RYR1: variants seen among roughly 807,000 people sequenced by gnomAD.
RYR1 encodes the protein central core disease of muscle.
Under a neutral mutation model 583.5 loss-of-function variants are expected in RYR1, and 342 were observed. That is an observed-to-expected ratio of 0.59 (90% CI 0.54 to 0.64). The LOEUF (loss-of-function observed/expected upper bound fraction) is 0.64. RYR1 is among the 30% of genes least tolerant of loss of function. The pLI, the probability that RYR1 is intolerant of heterozygous loss-of-function variation, is 0.00. For missense variants in RYR1, 6,032 were observed against 6,917.2 expected, an observed-to-expected ratio of 0.87 and a Z score of 4.54; for synonymous variants, 2,791 against 2,822.5, an observed-to-expected ratio of 0.99 and a Z score of 0.35.
intron 89 of RYR1, among the ~76,000 whole-genome samples, chr19:38,554,818 T>C (rs777200483): frequency 6.6e-6 from 1 of 152,126 alleles, no homozygotes; most frequent in African/African-American, 2.4e-5. Flanking sequence ...CAGTAAACAG[T>C]CTTGAGGTTA....
chr19:38,451,828 A>C lies in RYR1; in HGVS notation c.1187A>C (p.Glu396Ala), dbSNP rs762454738. 7.4e-6 allele frequency: 12 copies of C among 1,613,988 alleles called. No homozygotes were observed. In the East Asian group the frequency reaches 1.3e-4, roughly 18 times the overall value. The change falls in exon 12 of 106, where the codon GAG becomes GCG. Residue 396 changes from glutamate to alanine, a missense_variant. Glu to Ala is a moderately radical substitution (Grantham distance 107, BLOSUM62 -1). Transcript: ENST00000359596. ...ALSLTRCQQE[E>A]SQAARMIHST... is the part of the protein sequence containing the mutation. ...TCGCTGACCCGCTGCCAGCAGGAGG[A>C]GTCCCAGGCCGCCCGCATGATCCAC...
chr19:38,473,248 G>A (rs925274585), intron 27 of RYR1, 129 bp from the exon 28 acceptor site: 13 of 1,176,924 alleles, frequency 1.1e-5, no homozygotes, highest in Non-Finnish European at 1.3e-5. Flanking sequence ...CAGGAGTGGG[G>A]GGCCCTTGAC....
At chr19:38,585,198 C>A in intron 102 of RYR1, 99 bp downstream of exon 102, 1 of 1,404,954 alleles carries the variant, frequency 7.1e-7, no homozygotes, top group Non-Finnish European at 9.8e-7. Flanking sequence ...CATACCCCAT[C>A]TCTACCTCTC....
Position 38,580,078 on chromosome 19 carries a change from G to T in RYR1, c.14461G>T (p.Val4821Phe), listed in dbSNP as rs779632051. The part of the protein sequence containing the change: ...AAHLLDIAMG[V>F]KTLRTILSSV... Reference sequence around the variant, plus strand: ...CCATCTCCTGGACATCGCCATGGGGGTCAAGACGCTGCGCACCATCCTGTC... The same window carrying T: ...CCATCTCCTGGACATCGCCATGGGGTTCAAGACGCTGCGCACCATCCTGTC... The change falls in exon 100 of 106, where the codon GTC (valine) becomes TTC (phenylalanine). Residue 4821 changes from valine (V) to phenylalanine (F), a missense_variant. Transcript: ENST00000359596. The T allele has an allele frequency of 6.2e-7, 1 of 1,614,192 alleles. No individual in the cohort carries two copies. The highest frequency in any genetic ancestry group is 8.5e-7 in the Non-Finnish European group (1 of 1,180,042).
intron 38 of RYR1, among the ~76,000 whole-genome samples, chr19:38,493,460 A>AG (rs1969647637): frequency 6.7e-6 from 1 of 149,800 alleles, no homozygotes; most frequent in Non-Finnish European, 1.5e-5. Context: ...AATACAGCCG[A>AG]GGGGGGAAAG....
In RYR1 at chr19:38,543,821, C is replaced by T. The variant is rs193922842; in HGVS notation, c.11958C>T (p.Asp3986=). 4 of 1,613,960 alleles carry T rather than the reference C, an allele frequency of 2.5e-6. No homozygotes were observed. The highest frequency in any genetic ancestry group is 3.4e-6 in the Non-Finnish European group (4 of 1,180,026). ...QQSLAHSRLW[D]AVVGFLHVFA... ...GCCTGGCGCACAGTCGCCTATGGGA[C>T]GCAGTGGTGGGATTCCTGCACGTGT... is the stretch of plus-strand genomic sequence containing the variant. Residue 3986 remains aspartate (D), a synonymous_variant, in exon 87 of 106, where the codon GAC becomes GAT. Coordinates refer to ENST00000359596, the MANE Select transcript of RYR1 (RefSeq NM_000540.3). This position sits in a 1 kb window ranked among gnomAD's most constrained non-coding sequence, Gnocchi z 4.4.
intron 71 of RYR1, among the ~76,000 whole-genome samples, chr19:38,526,517 C>T (rs1341148066): frequency 1.3e-5 from 2 of 152,034 alleles, no homozygotes; most frequent in African/African-American, 4.8e-5. Context: ...GGACCCCTCA[C>T]CTTGGTCCTT....
chr19:38,526,171 G>A (rs542636668), intron 71 of RYR1, among the ~76,000 whole-genome samples: 1 of 151,970 alleles, frequency 6.6e-6, no homozygotes, highest in Admixed American at 6.6e-5. Flanking sequence ...CAAAATACCC[G>A]GGCTGTAGAA....
At chr19:38,503,229 C>T (rs1308137606) in intron 49 of RYR1, among the ~76,000 whole-genome samples, 4 of 152,200 alleles carry the variant, frequency 2.6e-5, no homozygotes, top group Non-Finnish European at 4.4e-5. Context: ...GCCCCCGCTT[C>T]AATTAGCATA....
intron 63 of RYR1, 27 bp from the exon 64 acceptor site, chr19:38,514,999 C>G (rs751667307): frequency 6.3e-7 from 1 of 1,576,558 alleles, no homozygotes; most frequent in Admixed American, 1.7e-5. Context: ...GAGCGCATGC[C>G]GCAGCCTCGC....
At chr19:38,538,608 C>T (rs1035656402) in intron 84 of RYR1, 2 of 152,670 alleles carry the variant, frequency 1.3e-5, no homozygotes, top group African/African-American at 4.8e-5. Context: ...GATTTCTGTA[C>T]TTTAGGTCCA....
At chr19:38,460,990 CA>C (rs1161134447) in intron 20 of RYR1, among the ~76,000 whole-genome samples, 2 of 152,078 alleles carry the variant, frequency 1.3e-5, no homozygotes, top group East Asian at 3.9e-4. Context: ...CATGTCAAAA[CA>C]AAACAAAACA....
In RYR1 at chr19:38,496,294, G is replaced by A; in HGVS notation, c.6628G>A (p.Val2210Ile). 6 of 1,614,046 alleles carry A rather than the reference G, an allele frequency of 3.7e-6. No individual in the cohort carries two copies. The highest frequency in any genetic ancestry group is 5.1e-6 in the Non-Finnish European group (6 of 1,180,044). Residue 2210 changes from valine (V) to isoleucine (I), a missense_variant, in exon 40 of 106, where the codon GTC becomes ATC. Physicochemically the swap from Val to Ile is conservative, Grantham distance 29. This residue lies in a region of RYR1 where 2,627 missense variants were observed against 2,961.3 expected (regional missense o/e 0.89). Transcript: ENST00000359596. This position sits in a 1 kb window ranked among gnomAD's most constrained non-coding sequence, Gnocchi z 4.8. ...ALGMHETVME[V>I]MVNVLGGGES... Reference sequence around the variant, plus strand: ...GGGCATGCACGAGACGGTCATGGAGGTCATGGTCAACGTCCTCGGGGGCGG... The same window carrying A: ...GGGCATGCACGAGACGGTCATGGAGATCATGGTCAACGTCCTCGGGGGCGG...
rs775127775 is a variant in RYR1, at chr19:38,548,236, A to C, written c.12098A>C (p.Asn4033Thr). 1 of 1,614,044 alleles carries C rather than the reference A, an allele frequency of 6.2e-7. No individual in the cohort carries two copies. Among genetic ancestry groups the C allele is most frequent in the South Asian group, 1.1e-5 (1 of 91,088 alleles). ...VVMLLSLLEG[N>T]VVNGMIARQM... is the part of the protein sequence containing the mutation. ...ACTGACCTGGGGCTGCCTGCAGGGAACGTGGTGAACGGCATGATCGCCCGG... is the reference window on the plus strand; with the variant it reads ...ACTGACCTGGGGCTGCCTGCAGGGACCGTGGTGAACGGCATGATCGCCCGG... Residue 4033 changes from asparagine to threonine, a missense_variant, in exon 89 of 106, where the codon AAC (asparagine) becomes ACC (threonine). Asn to Thr is a moderately conservative substitution (Grantham distance 65). Around this residue, in one of 11 missense-constraint regions of RYR1, gnomAD observed 82 missense variants for 139.7 expected, o/e 0.59. Coordinates refer to ENST00000359596, the MANE Select transcript of RYR1 (RefSeq NM_000540.3).
At position 38,485,900 on chromosome 19, in the gene RYR1, C is replaced by T. The variant is rs1969263609; in HGVS notation, c.5245C>T (p.Pro1749Ser). 1 of 1,613,800 alleles carries T rather than the reference C, an allele frequency of 6.2e-7. No individual in the cohort carries two copies. The highest frequency in any genetic ancestry group is 1.1e-5 in the South Asian group (1 of 91,090). ...GACCCGCGCCATCACGCTCTTCCCTCCTGGAAGGAGCACAGAAAATGGTCA... is the reference window on the plus strand; with the variant it reads ...GACCCGCGCCATCACGCTCTTCCCTTCTGGAAGGAGCACAGAAAATGGTCA... ...PETRAITLFP[P>S]GRSTENGHPR... Residue 1749 changes from proline (P) to serine (S), a missense_variant, in exon 34 of 106, where the codon CCT (proline) becomes TCT (serine). Pro to Ser is a moderately conservative substitution (Grantham distance 74). Coordinates refer to ENST00000359596, the MANE Select transcript of RYR1 (RefSeq NM_000540.3).
At chr19:38,513,666 G>A (rs1213771256) in intron 63 of RYR1, among the ~76,000 whole-genome samples, 2 of 151,768 alleles carry the variant, frequency 1.3e-5, no homozygotes, top group African/African-American at 4.8e-5. Context: ...AATCTGGGAG[G>A]TGGAGGTTGC....
intron 27 of RYR1, among the ~76,000 whole-genome samples, chr19:38,472,384 A>G (rs1968469064): frequency 6.6e-6 from 1 of 152,140 alleles, no homozygotes; most frequent in Non-Finnish European, 1.5e-5. Context: ...TACAGGCATG[A>G]GCCACTGCGC....
At position 38,499,558 on chromosome 19, in the gene RYR1, G is replaced by A; in HGVS notation, c.7028-77G>A. On this transcript the variant is annotated intron_variant, in intron 43 of 105. Transcript: ENST00000359596. This position sits in a 1 kb window ranked among gnomAD's most constrained non-coding sequence, Gnocchi z 7.3. Reference sequence around the variant, plus strand: ...GATGGGACCTGTGTTACCCCTGGAGGTGTTGGGTCCTGGGGCTGCATGGGG... The same window carrying A: ...GATGGGACCTGTGTTACCCCTGGAGATGTTGGGTCCTGGGGCTGCATGGGG... 2 of 1,495,140 alleles carry A rather than the reference G, an allele frequency of 1.3e-6. No individual in the cohort carries two copies. Among genetic ancestry groups the A allele is most frequent in the Non-Finnish European group, 1.8e-6 (2 of 1,095,086 alleles). The allele number at this position is 1,495,140 out of a possible 1,614,324, so 92.6% of individuals were successfully genotyped here.
rs781550981 is a variant in RYR1, at chr19:38,466,276, G to T, written c.3056G>T (p.Arg1019Leu). 18 of 1,612,830 alleles carry T rather than the reference G, an allele frequency of 1.1e-5. No individual in the cohort carries two copies. Among genetic ancestry groups the T allele is most frequent in the Non-Finnish European group, 1.5e-5 (18 of 1,179,830 alleles). ...VQDIPARRNP[R>L]LVPYRLLDEA... ...GACATCCCAGCGCGCCGAAACCCTC[G>T]GCTGGTGCCCTACCGCCTGCTGGAT... The change falls in exon 24 of 106, where the codon CGG becomes CTG. Residue 1019 changes from arginine to leucine, a missense_variant. Around this residue, in one of 11 missense-constraint regions of RYR1, gnomAD observed 2,627 missense variants for 2,961.3 expected, o/e 0.89. Transcript: ENST00000359596.
Sources: allele counts gnomAD v4.1 joint callset (sites outside exome capture counted in the v4.1 genomes callset), GRCh38; gene constraint gnomAD v4.1.1; regional missense constraint gnomAD v4.1.1; non-coding constraint Gnocchi (gnomAD v3.1); transcripts MANE v1.5; gene names NCBI Gene and HGNC (gene_info 2026-07-23, HGNC 2026-07-21).